The following MYO16 variants were observed in gnomAD, a reference collection of about 807,000 sequenced individuals.
MYO16 encodes the protein myosin XVI.
Under a neutral mutation model 205.3 loss-of-function variants are expected in MYO16, and 94 were observed. The ratio of observed to expected loss-of-function variants is 0.46; its 90% confidence interval spans 0.39 to 0.54. MYO16 has a LOEUF of 0.54. Ranked by LOEUF, MYO16 falls within the 20% of genes least tolerant of loss-of-function variation. The probability of loss-of-function intolerance (pLI) is 0.00; values close to 1 mark genes in which losing one functional copy is unlikely to be tolerated. For synonymous variants in MYO16, 988 were observed against 954.0 expected, an observed-to-expected ratio of 1.04 and a Z score of -0.66; for missense variants, 2,315 against 2,387.5, an observed-to-expected ratio of 0.97 and a Z score of 0.63.
At chr13:108,627,477 AT>A (rs1566513072), upstream of MYO16, among the ~76,000 whole-genome samples, 1 of 152,096 alleles carries the variant, frequency 6.6e-6, no homozygotes, top group East Asian at 1.9e-4. Flanking sequence ...TGCTATCTTG[AT>A]TGTCTCTATT....
chr13:108,978,803 C>G (rs1007499178), intron 20 of MYO16, among the ~76,000 whole-genome samples: 2 of 151,946 alleles, frequency 1.3e-5, no homozygotes, highest in Non-Finnish European at 2.9e-5. Flanking sequence ...CTGGTGAAAT[C>G]GCCCTAAAAT....
chr13:109,088,336 T>C (rs1216109721), intron 27 of MYO16, among the ~76,000 whole-genome samples: 1 of 152,222 alleles, frequency 6.6e-6, no homozygotes, highest in Non-Finnish European at 1.5e-5. Context: ...TGTTTCATGC[T>C]GAGACACTTC....
chr13:108,801,005 A>G (rs1594304720), intron 6 of MYO16, among the ~76,000 whole-genome samples: 1 of 152,244 alleles, frequency 6.6e-6, no homozygotes, highest in South Asian at 2.1e-4. Context: ...ATCGTTGATT[A>G]TGTCAGAAAT....
At chr13:109,152,004 A>T (rs936180385) in intron 32 of MYO16, among the ~76,000 whole-genome samples, 3 of 152,196 alleles carry the variant, frequency 2.0e-5, no homozygotes, top group African/African-American at 7.2e-5. Flanking sequence ...CAACCAACTT[A>T]AAGTAGGTGG....
intron 33 of MYO16, among the ~76,000 whole-genome samples, chr13:109,165,649 G>T (rs547792784): frequency 6.6e-6 from 1 of 152,172 alleles, no homozygotes; most frequent in African/African-American, 2.4e-5. Context: ...AATTAGAGGC[G>T]TGGGAGAACC....
chr13:108,740,839 A>G (rs1422635011), intron 4 of MYO16, among the ~76,000 whole-genome samples: 3 of 151,466 alleles, frequency 2.0e-5, no homozygotes, highest in Non-Finnish European at 4.4e-5. Flanking sequence ...AATGGCAGGC[A>G]CCCCTCCCCC....
intron 23 of MYO16, among the ~76,000 whole-genome samples, chr13:109,034,307 C>T (rs1886643081): frequency 6.6e-6 from 1 of 152,198 alleles, no homozygotes; most frequent in African/African-American, 2.4e-5. Flanking sequence ...ATTGTAATCT[C>T]CATAATCCCC....
chr13:108,686,651 C>T (rs1015564423), intron 2 of MYO16, among the ~76,000 whole-genome samples: 2 of 152,082 alleles, frequency 1.3e-5, no homozygotes, highest in African/African-American at 2.4e-5. Context: ...ACCAGAGGAG[C>T]GAATGTCTGA....
chr13:108,590,939 T>C, the MYO16 span, among the ~76,000 whole-genome samples: 1 of 152,212 alleles, frequency 6.6e-6, no homozygotes, highest in Non-Finnish European at 1.5e-5. Context: ...TGCTACTTGG[T>C]CATGGCAGTC....
At chr13:108,500,240 T>G in the MYO16 span, among the ~76,000 whole-genome samples, 70 of 7,904 alleles carry the variant, frequency 8.9e-3, 9 homozygotes, top group African/African-American at 0.019. Flanking sequence ...TTGTTTTTTT[T>G]GTTTTTTTTT....
At chr13:108,718,875 T>A (rs764275711) in intron 3 of MYO16, among the ~76,000 whole-genome samples, 8 of 152,112 alleles carry the variant, frequency 5.3e-5, no homozygotes, top group Non-Finnish European at 8.8e-5. Context: ...TTGACCTGCC[T>A]GCGGATGTAT....
At chr13:109,143,179 C>T (rs1877181414) in intron 32 of MYO16, among the ~76,000 whole-genome samples, 1 of 152,098 alleles carries the variant, frequency 6.6e-6, no homozygotes, top group African/African-American at 2.4e-5. Context: ...AAAGAAAATA[C>T]ATAAATGTGT....
At chr13:108,681,150 C>G (rs1447011664) in intron 2 of MYO16, among the ~76,000 whole-genome samples, 1 of 152,206 alleles carries the variant, frequency 6.6e-6, no homozygotes, top group Non-Finnish European at 1.5e-5. Flanking sequence ...TGCTTCCTCA[C>G]AAAAATATGC....
intron 13 of MYO16, chr13:108,886,360 C>G (rs1879886228): frequency 2.2e-6 from 1 of 454,086 alleles, no homozygotes; most frequent in Non-Finnish European, 4.4e-6. Flanking sequence ...CCTCTTCATT[C>G]AAGTTTCAAG....
At chr13:108,780,954 G>A (rs911471732) in intron 4 of MYO16, among the ~76,000 whole-genome samples, 2 of 152,204 alleles carry the variant, frequency 1.3e-5, no homozygotes, top group Admixed American at 6.5e-5. Context: ...AAATTATTCA[G>A]CCCCACGCTT....
intron 12 of MYO16, among the ~76,000 whole-genome samples, chr13:108,881,261 G>A (rs1280408052): frequency 6.6e-6 from 1 of 152,108 alleles, no homozygotes; most frequent in Non-Finnish European, 1.5e-5. Flanking sequence ...AAACAGAAAG[G>A]ACATCCACAC....
chr13:108,500,177 G>A, the MYO16 span, among the ~76,000 whole-genome samples: 1 of 143,996 alleles, frequency 6.9e-6, no homozygotes, highest in African/African-American at 2.6e-5. Context: ...TTCTCTCTAG[G>A]CTGGCCTCTG....
chr13:108,539,588 A>G, the MYO16 span, among the ~76,000 whole-genome samples: 1 of 152,160 alleles, frequency 6.6e-6, no homozygotes, highest in Non-Finnish European at 1.5e-5. Context: ...AAGTAATATT[A>G]CAGTAGTTGT....
At chr13:108,763,285 G>T (rs1459033000) in intron 4 of MYO16, among the ~76,000 whole-genome samples, 1 of 152,118 alleles carries the variant, frequency 6.6e-6, no homozygotes, top group Non-Finnish European at 1.5e-5. Context: ...ATATTTTTAT[G>T]CATGTCATGC....
Sources: allele counts gnomAD v4.1 joint callset (sites outside exome capture counted in the v4.1 genomes callset), GRCh38; gene constraint gnomAD v4.1.1; transcripts MANE v1.5; gene names NCBI Gene and HGNC (gene_info 2026-07-23, HGNC 2026-07-21).